The following RNF141 variants were observed in gnomAD, a reference collection of about 807,000 sequenced individuals.
RNF141 encodes the protein ring finger protein 141.
Under a neutral mutation model 27.4 loss-of-function variants are expected in RNF141, and 18 were observed. The observed-to-expected ratio is 0.66, with a 90% CI of 0.45 to 0.97. The LOEUF is 0.97. RNF141 is among the 50% of genes least tolerant of loss of function. RNF141 has a pLI of 0.00. For synonymous variants in RNF141, 97 were observed against 96.6 expected (o/e 1.00, Z -0.02); for missense variants, 230 against 279.4 (o/e 0.82, Z 1.26).
chr11:10,524,361 G>A (rs1484935800), intron 4 of RNF141, among the ~76,000 whole-genome samples: 1 of 152,058 alleles, frequency 6.6e-6, no homozygotes, highest in African/African-American at 2.4e-5. Flanking sequence ...CTTGCAGTGA[G>A]CCGAGATCGC....
chr11:10,531,655 G>C (rs772612186), intron 2 of RNF141, among the ~76,000 whole-genome samples: 2 of 152,274 alleles, frequency 1.3e-5, no homozygotes, highest in East Asian at 3.9e-4. Context: ...ATCACTTCTA[G>C]AAGATAATTC....
chr11:10,524,186 G>A (rs772591833), intron 4 of RNF141, among the ~76,000 whole-genome samples: 2 of 152,128 alleles, frequency 1.3e-5, no homozygotes, highest in Non-Finnish European at 2.9e-5. Context: ...AGGCCGAGGA[G>A]GGCAGGATCA....
chr11:10,538,711 T>C (rs1410490209), intron 1 of RNF141, among the ~76,000 whole-genome samples: 1 of 152,206 alleles, frequency 6.6e-6, no homozygotes, highest in Admixed American at 6.5e-5. Flanking sequence ...CTTTTGACTT[T>C]TGTTAATTTG....
intron 5 of RNF141, 96 bp downstream of exon 5, chr11:10,518,936 TCA>T: frequency 1.3e-6 from 1 of 783,568 alleles, no homozygotes; most frequent in Non-Finnish European, 2.1e-6. Context: ...AAAATCTCTC[TCA>T]TACTTAACTA....
chr11:10,529,424 A>G (rs1037454001), intron 3 of RNF141, among the ~76,000 whole-genome samples: 2 of 152,246 alleles, frequency 1.3e-5, no homozygotes, highest in African/African-American at 4.8e-5. Context: ...TAGTTGAGAA[A>G]ACACAATAAG....
At chr11:10,540,179 T>G (rs1850082849) in intron 1 of RNF141, among the ~76,000 whole-genome samples, 1 of 152,154 alleles carries the variant, frequency 6.6e-6, no homozygotes, top group Non-Finnish European at 1.5e-5. Context: ...GAGGTCATTT[T>G]ATAGCAAGAA....
intron 1 of RNF141, among the ~76,000 whole-genome samples, chr11:10,534,710 T>C (rs764978519): frequency 6.6e-6 from 1 of 152,158 alleles, no homozygotes; most frequent in African/African-American, 2.4e-5. Context: ...GTGATTTATC[T>C]AAAGTTACAC....
At chr11:10,535,919 T>C (rs1850030903) in intron 1 of RNF141, among the ~76,000 whole-genome samples, 1 of 152,220 alleles carries the variant, frequency 6.6e-6, no homozygotes, top group African/African-American at 2.4e-5. Flanking sequence ...AGGGAGCCAC[T>C]GTGTTACAGG....
intron 5 of RNF141, chr11:10,518,786 G>A: frequency 2.7e-6 from 1 of 369,966 alleles, no homozygotes; most frequent in Non-Finnish European, 4.9e-6. Context: ...TTAGACTTAA[G>A]TCAGGCACAA....
Position 10,539,693 on chromosome 11 carries a change from T to TAC in RNF141, c.-48+1428_-48+1429insGT, listed in dbSNP as rs1159130598. Among the ~76,000 whole-genome samples, 25 of 99,274 alleles carry TAC rather than the reference T, an allele frequency of 2.5e-4. 1 individual carries two copies. Among genetic ancestry groups the TAC allele is most frequent in the African/African-American group, 8.0e-4 (20 of 25,068 alleles). The allele number at this position is 99,274 out of a possible 152,430, so 65.1% of individuals were successfully genotyped here. A position where few individuals can be genotyped will look rare whatever the true frequency, so the allele number is the denominator to read the frequency against. On this transcript the variant is annotated intron_variant, in intron 1 of 5. Coordinates refer to ENST00000265981, the MANE Select transcript of RNF141 (RefSeq NM_016422.4). ...TCTTGATCAGAAAAAGATACATACA[T>TAC]ATATATTAGAGAGAGAAGGAGAGAG...
intron 4 of RNF141, 96 bp downstream of exon 4, chr11:10,525,096 T>C (rs1849920634): frequency 2.2e-6 from 2 of 923,388 alleles, no homozygotes; most frequent in Non-Finnish European, 1.6e-6. Flanking sequence ...AAAAAAGATT[T>C]AAGATGCTAC....
intron 3 of RNF141, among the ~76,000 whole-genome samples, chr11:10,528,345 TTTC>T (rs1849958283): frequency 6.6e-6 from 1 of 152,150 alleles, no homozygotes; most frequent in Non-Finnish European, 1.5e-5. Flanking sequence ...AATAAAAAAA[TTTC>T]TTTAGAGTAG....
At chr11:10,540,477 A>C (rs926655992) in intron 1 of RNF141, among the ~76,000 whole-genome samples, 1 of 152,224 alleles carries the variant, frequency 6.6e-6, no homozygotes, top group Non-Finnish European at 1.5e-5. Flanking sequence ...CCTGCTGTGT[A>C]ATCACTACCT....
chr11:10,523,022 C>G (rs1042529598), intron 4 of RNF141, among the ~76,000 whole-genome samples: 1 of 152,206 alleles, frequency 6.6e-6, no homozygotes, highest in Admixed American at 6.5e-5. Context: ...ATAGGAAAAA[C>G]TTCATAGTGA....
In RNF141 at chr11:10,530,756, A is replaced by G; in HGVS notation, c.144-5T>C. ...CCAGAAGCCACTTTAGCCGTTCTGA[A>G]AAGAGACAAGAACATGTTAATTTTA... On this transcript the variant is annotated splice_region_variant and splice_polypyrimidine_tract_variant and intron_variant, in intron 2 of 5. Coordinates refer to ENST00000265981, the MANE Select transcript of RNF141 (RefSeq NM_016422.4). 2 of 1,573,808 alleles carry G rather than the reference A, an allele frequency of 1.3e-6. No homozygotes were observed. The highest frequency in any genetic ancestry group is 1.1e-5 in the South Asian group (1 of 87,850).
At chr11:10,528,626 G>A (rs997666156) in intron 3 of RNF141, among the ~76,000 whole-genome samples, 1 of 152,146 alleles carries the variant, frequency 6.6e-6, no homozygotes, top group Non-Finnish European at 1.5e-5. Context: ...TCTTCAATGT[G>A]AGCTGAGTAC....
chr11:10,533,775 C>T (rs753732698), intron 2 of RNF141, among the ~76,000 whole-genome samples: 27 of 152,082 alleles, frequency 1.8e-4, no homozygotes, highest in Non-Finnish European at 3.8e-4. Context: ...CTTCAATATG[C>T]CTGTGCTGTG....
At chr11:10,530,836 A>T in intron 2 of RNF141, 85 bp from the exon 3 acceptor site, 1 of 653,300 alleles carries the variant, frequency 1.5e-6, no homozygotes, top group Non-Finnish European at 2.5e-6. Flanking sequence ...TTCAAGAAAC[A>T]ATTTCAGAGA....
Position 10,534,104 on chromosome 11 carries a change from T to C in RNF141, c.55A>G (p.Lys19Glu). 1 of 1,613,780 alleles carries C rather than the reference T, an allele frequency of 6.2e-7. No individual in the cohort carries two copies. The highest frequency in any genetic ancestry group is 8.5e-7 in the Non-Finnish European group (1 of 1,179,760). ...TQLVINKLPE[K>E]VAKHVTLVRE... Reference sequence around the variant, plus strand: ...ACCAACGTAACATGTTTTGCTACTTTTTCTGGTAACTTGTTAATAACCAAC... The same window carrying C: ...ACCAACGTAACATGTTTTGCTACTTCTTCTGGTAACTTGTTAATAACCAAC... Residue 19 changes from lysine (K) to glutamate (E), a missense_variant, in exon 2 of 6, where the codon AAA becomes GAA. Physicochemically the swap from Lys to Glu is moderately conservative, Grantham distance 56. Transcript: ENST00000265981.
Sources: gnomAD v4.1 joint callset for allele counts (sites outside exome capture counted in the v4.1 genomes callset) on GRCh38, gnomAD v4.1.1 for gene constraint, MANE v1.5 for transcripts, NCBI Gene and HGNC (gene_info 2026-07-23, HGNC 2026-07-21) for gene names.